The following MAPK8IP3 variants were observed in gnomAD, a reference collection of about 807,000 sequenced individuals.
MAPK8IP3 encodes the protein mitogen-activated protein kinase 8 interacting protein 3, also known as C-Jun-amino-terminal kinase-interacting protein 3.
MAPK8IP3 carries 49 observed loss-of-function variants against 157.8 expected under a neutral mutation model. The ratio of observed to expected loss-of-function variants is 0.31; its 90% CI spans 0.25 to 0.39. The LOEUF (loss-of-function observed/expected upper bound fraction) is 0.39, where lower values mean the gene tolerates loss of function less well. MAPK8IP3 is among the 10% of genes least tolerant of loss of function. The probability of loss-of-function intolerance (pLI) is 1.00; values close to 1 mark genes in which losing one functional copy is unlikely to be tolerated. For missense variants in MAPK8IP3, 1,478 were observed against 1,889.4 expected (o/e 0.78, Z 4.04); for synonymous variants, 897 against 777.7 (o/e 1.15, Z -2.55).
In MAPK8IP3 at chr16:1,723,577, A is replaced by G. The variant is rs1363104298; in HGVS notation, c.319-980A>G. Among the ~76,000 whole-genome samples the G allele has an allele frequency of 2.6e-5, 4 of 152,158 alleles. No individual in the cohort carries two copies. In the East Asian group the frequency reaches 7.7e-4, roughly 29 times the overall value. On this transcript the variant is annotated intron_variant, in intron 1 of 31. Transcript: ENST00000610761. ...CAAGGCTGCAGTGAGTTGTGATCGCACCACTGCAGTCCAGCCTCAGAGACA... is the reference window on the plus strand; with the variant it reads ...CAAGGCTGCAGTGAGTTGTGATCGCGCCACTGCAGTCCAGCCTCAGAGACA...
intron 4 of MAPK8IP3, among the ~76,000 whole-genome samples, chr16:1,730,013 A>T (rs565797809): frequency 2.2e-5 from 3 of 138,406 alleles, no homozygotes; most frequent in Non-Finnish European, 4.6e-5. Flanking sequence ...GTTCGAGCTC[A>T]GCTTGGGCAA....
At chr16:1,739,957 AC>A (rs1567174113) in intron 4 of MAPK8IP3, among the ~76,000 whole-genome samples, 1 of 84,260 alleles carries the variant, frequency 1.2e-5, no homozygotes, top group East Asian at 3.6e-4. Context: ...CATCCGTGTG[AC>A]CGTCCGTGTG....
intron 26 of MAPK8IP3, 44 bp downstream of exon 26, chr16:1,767,341 T>C (rs766098079): frequency 2.6e-5 from 42 of 1,609,024 alleles, no homozygotes; most frequent in Non-Finnish European, 3.5e-5. Context: ...AGGCTCCTGC[T>C]GGCCAGCAGC....
rs201619555 is a variant in MAPK8IP3, at chr16:1,739,596, G to A, written c.603-3736G>A. On this transcript the variant is annotated intron_variant, in intron 4 of 31. Transcript: ENST00000610761. ...TGTGTGTGACCGTCCGTGTGTGACC[G>A]TCCGTGTGAGCTTCCGTGTGACCGT... Among the ~76,000 whole-genome samples, 212 of 132,478 alleles carry A rather than the reference G, an allele frequency of 1.6e-3. 5 individuals carry two copies. The highest frequency in any genetic ancestry group is 3.9e-3 in the Admixed American group (51 of 13,162). The allele number at this position is 132,478 out of a possible 152,430, so 86.9% of individuals were successfully genotyped here. A position where few individuals can be genotyped will look rare whatever the true frequency, so the allele number is the denominator to read the frequency against.
intron 1 of MAPK8IP3, chr16:1,714,071 C>T (rs1056412121): frequency 1.3e-5 from 2 of 152,242 alleles, no homozygotes; most frequent in Admixed American, 6.5e-5. Flanking sequence ...GCAGTGCGTA[C>T]GTGGTTTCCT....
chr16:1,756,725 G>A (rs2041623144), intron 8 of MAPK8IP3, among the ~76,000 whole-genome samples: 1 of 151,830 alleles, frequency 6.6e-6, no homozygotes, highest in Admixed American at 6.6e-5. Flanking sequence ...AGGAGGCTGA[G>A]GTGGGAGGAT....
chr16:1,768,239 C>T lies in MAPK8IP3; in HGVS notation c.3603C>T (p.Pro1201=), dbSNP rs546631939. ...CCACCTCTGGGGAGGGCGCCCGTCC[C>T]GGGGGCATCATCCACGTGTATGGCG... ...TSPTSGEGAR[P]GGIIHVYGDD... Residue 1201 remains proline (P), a synonymous_variant, in exon 30 of 32, where the codon CCC becomes CCT. Transcript: ENST00000610761. 6.4e-5 allele frequency: 103 copies of T among 1,612,338 alleles called. No homozygotes were observed. The highest frequency in any genetic ancestry group is 3.7e-5 in the Non-Finnish European group (44 of 1,179,976).
intron 13 of MAPK8IP3, among the ~76,000 whole-genome samples, chr16:1,761,850 C>T (rs1358365759): frequency 1.3e-5 from 2 of 152,388 alleles, no homozygotes; most frequent in Non-Finnish European, 2.9e-5. Context: ...CACAGTATAT[C>T]CTACTATTCA....
chr16:1,764,915 G>C (rs1596796437), intron 19 of MAPK8IP3, 98 bp from the exon 20 acceptor site: 2 of 1,265,378 alleles, frequency 1.6e-6, no homozygotes, highest in Admixed American at 4.2e-5. Flanking sequence ...CTGTAGTCAA[G>C]GCTGGATCCT....
At chr16:1,735,120 C>T (rs1846832547) in intron 4 of MAPK8IP3, 1 of 152,400 alleles carries the variant, frequency 6.6e-6, no homozygotes, top group African/African-American at 2.4e-5. Flanking sequence ...CAAGAGGGCT[C>T]GTGTGTCGCA....
At chr16:1,736,849 CGT>C (rs1252912266) in intron 4 of MAPK8IP3, among the ~76,000 whole-genome samples, 1 of 58,324 alleles carries the variant, frequency 1.7e-5, no homozygotes, top group African/African-American at 7.2e-5. Context: ...TGTGACCGTC[CGT>C]GTGTGACCGT....
rs2037683670 is a variant in MAPK8IP3, at chr16:1,710,268, G to A, written c.318+3611G>A. On this transcript the variant is annotated intron_variant, in intron 1 of 31. Coordinates refer to ENST00000610761, the MANE Select transcript of MAPK8IP3 (RefSeq NM_001318852.2). This position sits in a 1 kb window ranked among gnomAD's most constrained non-coding sequence, Gnocchi z 4.1. The stretch of plus-strand genomic sequence containing the variant: ...ATCTCAGGTCAGGAGTTTGAGACCA[G>A]CCTGGCGAACCTGGCGAAACCCTGT... Among the ~76,000 whole-genome samples, 1 of 151,294 alleles carries A rather than the reference G, an allele frequency of 6.6e-6. No homozygotes were observed. The highest frequency in any genetic ancestry group is 1.5e-5 in the Non-Finnish European group (1 of 67,908).
At position 1,769,802 on chromosome 16, in the gene MAPK8IP3, T is replaced by G. The variant is rs1249021927; in HGVS notation, c.*978T>G. Reference sequence around the variant, plus strand: ...GGAGCCCAGCTCCCAGACACGCTACTAAGTGCCTAGGGTTGCCCGCTGTGG... The same window carrying G: ...GGAGCCCAGCTCCCAGACACGCTACGAAGTGCCTAGGGTTGCCCGCTGTGG... On this transcript the variant is annotated 3_prime_UTR_variant, in exon 32 of 32. Transcript: ENST00000610761. The G allele has an allele frequency of 6.6e-6, 1 of 152,452 alleles. No individual in the cohort carries two copies. Among genetic ancestry groups the G allele is most frequent in the Non-Finnish European group, 1.5e-5 (1 of 68,162 alleles). The allele number at this position is 152,452 out of a possible 1,614,324, so 9.4% of individuals were successfully genotyped here.
chr16:1,741,281 T>C lies in MAPK8IP3; in HGVS notation c.603-2051T>C, dbSNP rs1232039572. On this transcript the variant is annotated intron_variant, in intron 4 of 31. Coordinates refer to ENST00000610761, the MANE Select transcript of MAPK8IP3 (RefSeq NM_001318852.2). The surrounding 1 kb of genome is among the most constrained non-coding windows in gnomAD (Gnocchi z 6.9). ...GCGAGGACAAATCGGGAGGACGGGG[T>C]CAGTCGGCAAACGCTCACGAGCCTG... 6.6e-6 allele frequency among the ~76,000 whole-genome samples: 1 copy of C among 151,562 alleles called. No homozygotes were observed. Among genetic ancestry groups the C allele is most frequent in the Admixed American group, 6.6e-5 (1 of 15,226 alleles).
chr16:1,754,771 A>G (rs1367642218), intron 8 of MAPK8IP3, among the ~76,000 whole-genome samples: 32 of 145,496 alleles, frequency 2.2e-4, no homozygotes, highest in African/African-American at 7.4e-4. Context: ...AAAAAAAAAA[A>G]AAGAAGAAGA....
rs1335716457 is a variant in MAPK8IP3 at position 1,739,972 on chromosome 16, G to A, written c.603-3360G>A. ...CATCCGTGTGACCGTCCGTGTGAGC[G>A]TGTGACCGTCCGTGTGAGCATCCGT... On this transcript the variant is annotated intron_variant, in intron 4 of 31. Transcript: ENST00000610761. Among the ~76,000 whole-genome samples the A allele has an allele frequency of 8.0e-5, 10 of 125,440 alleles. No individual in the cohort carries two copies. The East Asian group carries it at 1.4e-3, about 18-fold the overall frequency. The allele number at this position is 125,440 out of a possible 152,430, so 82.3% of individuals were successfully genotyped here.
chr16:1,750,293 A>C (rs1596718203), intron 8 of MAPK8IP3, among the ~76,000 whole-genome samples: 1 of 151,972 alleles, frequency 6.6e-6, no homozygotes. Context: ...GCTCACTGCA[A>C]CCTCCGCCTC....
In MAPK8IP3 at chr16:1,764,328, A is replaced by G. The variant is rs1481302173; in HGVS notation, c.2149A>G (p.Ser717Gly). The change falls in exon 19 of 32, where the codon AGC becomes GGC. Residue 717 changes from serine to glycine, a missense_variant. By Grantham distance (56) the Ser-to-Gly change is moderately conservative. This residue lies in a region of MAPK8IP3 where 669 missense variants were observed against 759.8 expected (regional missense o/e 0.88). Coordinates refer to ENST00000610761, the MANE Select transcript of MAPK8IP3 (RefSeq NM_001318852.2). ...KLWCAAGVNL[S>G]GWRPNEDDAG... ...GTGGTGTGCCGCGGGCGTCAACCTG[A>G]GCGGGTGGAGGCCCAATGAGGACGA... is the stretch of plus-strand genomic sequence containing the variant. 56 of 1,576,082 alleles carry G rather than the reference A, an allele frequency of 3.6e-5. No individual in the cohort carries two copies. The highest frequency in any genetic ancestry group is 4.7e-5 in the Non-Finnish European group (55 of 1,162,004).
chr16:1,708,529 G>A (rs1019552718), intron 1 of MAPK8IP3, among the ~76,000 whole-genome samples: 12 of 152,192 alleles, frequency 7.9e-5, no homozygotes, highest in African/African-American at 1.9e-4. Flanking sequence ...TAACCTTGCC[G>A]CTTAAAAATG....
Sources: gnomAD v4.1 joint callset for allele counts (sites outside exome capture counted in the v4.1 genomes callset) on GRCh38, gnomAD v4.1.1 for gene constraint, gnomAD v4.1.1 regional missense constraint, Gnocchi (gnomAD v3.1) non-coding constraint, MANE v1.5 for transcripts, NCBI Gene and HGNC (gene_info 2026-07-23, HGNC 2026-07-21) for gene names.